Variants in RAD51B observed in about 807,000 individuals in gnomAD.
RAD51B encodes the protein DNA repair protein RAD51 homolog 2.
In RAD51B, 38 loss-of-function variants were observed where a neutral mutation model predicts 42.2. The ratio of observed to expected loss-of-function variants is 0.90; its 90% CI spans 0.70 to 1.18. The LOEUF is 1.18. Among genes scored for constraint, RAD51B ranks in the 50% most tolerant of loss-of-function variants. The pLI is 0.00. For missense variants in RAD51B, 373 were observed against 400.7 expected, an observed-to-expected ratio of 0.93 and a Z score of 0.59; for synonymous variants, 154 against 145.2, an observed-to-expected ratio of 1.06 and a Z score of -0.43.
chr14:68,407,077 TA>T (rs2084295820), intron 8 of RAD51B, among the ~76,000 whole-genome samples: 2 of 151,924 alleles, frequency 1.3e-5, no homozygotes, highest in African/African-American at 4.8e-5. Context: ...GTTAACTTCT[TA>T]AAATAAGTAG....
intron 8 of RAD51B, among the ~76,000 whole-genome samples, chr14:68,332,294 G>A (rs1343500108): frequency 6.6e-6 from 1 of 151,846 alleles, no homozygotes. Flanking sequence ...ACACAAATGA[G>A]ATACACACAC....
chr14:68,522,975 G>T (rs1173643122), intron 10 of RAD51B, among the ~76,000 whole-genome samples: 2 of 152,192 alleles, frequency 1.3e-5, no homozygotes, highest in Non-Finnish European at 2.9e-5. Context: ...ATTTGATGTT[G>T]AACAAAACAG....
intron 7 of RAD51B, among the ~76,000 whole-genome samples, chr14:68,103,682 G>A (rs2077329133): frequency 1.3e-5 from 2 of 152,118 alleles, no homozygotes; most frequent in South Asian, 4.1e-4. Context: ...TTTCATTAGA[G>A]GATAGACTGA....
intron 8 of RAD51B, among the ~76,000 whole-genome samples, chr14:68,372,421 G>T (rs1161443255): frequency 1.3e-5 from 2 of 152,122 alleles, no homozygotes; most frequent in Non-Finnish European, 2.9e-5. Context: ...GCAGCAAAAA[G>T]AGAACATGTA....
At chr14:68,244,362 A>G (rs947521472) in intron 7 of RAD51B, among the ~76,000 whole-genome samples, 16 of 152,224 alleles carry the variant, frequency 1.1e-4, no homozygotes, top group Admixed American at 7.9e-4. Context: ...CAGATAAAGC[A>G]TTGGCAGACA....
chr14:68,628,720 G>A (rs1334863097), intron 10 of RAD51B, among the ~76,000 whole-genome samples: 2 of 152,114 alleles, frequency 1.3e-5, no homozygotes, highest in Non-Finnish European at 2.9e-5. Context: ...GTGAGGAGGT[G>A]TTTCTTGTCT....
intron 10 of RAD51B, among the ~76,000 whole-genome samples, chr14:68,580,753 C>T (rs1332147957): frequency 2.0e-5 from 3 of 152,192 alleles, no homozygotes; most frequent in Non-Finnish European, 4.4e-5. Context: ...CCCATCCAAC[C>T]AGCCCCATTT....
chr14:68,269,454 C>T (rs761744903), intron 7 of RAD51B, among the ~76,000 whole-genome samples: 1 of 152,196 alleles, frequency 6.6e-6, no homozygotes, highest in Non-Finnish European at 1.5e-5. Context: ...GACCTTTCTA[C>T]ACATCTCCCC....
At chr14:68,627,713 C>A (rs1595035731) in intron 10 of RAD51B, among the ~76,000 whole-genome samples, 1 of 152,274 alleles carries the variant, frequency 6.6e-6, no homozygotes, top group Middle Eastern at 3.4e-3. Context: ...TTGCACATGC[C>A]ACCTCCCCCC....
chr14:68,160,321 T>TA (rs1211440106), intron 7 of RAD51B, among the ~76,000 whole-genome samples: 1 of 152,180 alleles, frequency 6.6e-6, no homozygotes, highest in Non-Finnish European at 1.5e-5. Flanking sequence ...TGCTCAGTGT[T>TA]ACATACCTTA....
intron 3 of RAD51B, among the ~76,000 whole-genome samples, chr14:67,826,379 A>C (rs1010668887): frequency 1.3e-5 from 2 of 152,248 alleles, no homozygotes; most frequent in Admixed American, 6.5e-5. Context: ...AAAAGCCCTC[A>C]TCAAATTGTA....
At position 67,883,272 on chromosome 14, in the gene RAD51B, C is replaced by T. The variant is rs75714744; in HGVS notation, c.453-2597C>T. Among the ~76,000 whole-genome samples, 313 of 147,658 alleles carry T rather than the reference C, an allele frequency of 2.1e-3. 2 individuals are homozygous for T. The highest frequency in any genetic ancestry group is 7.0e-3 in the African/African-American group (277 of 39,776). ...AAGAAGTCAGATCATGTTGTTCCTG[C>T]TTCTAGGCTTCCTATTTTGCTAAAT... is the stretch of plus-strand genomic sequence containing the variant. On this transcript the variant is annotated intron_variant, in intron 5 of 10. Coordinates refer to ENST00000471583, the MANE Select transcript of RAD51B (RefSeq NM_133510.4).
intron 7 of RAD51B, among the ~76,000 whole-genome samples, chr14:67,995,779 G>C (rs1368973410): frequency 6.6e-6 from 1 of 151,660 alleles, no homozygotes; most frequent in Non-Finnish European, 1.5e-5. Context: ...CACCACGCCT[G>C]GCTAATTTTT....
chr14:67,924,401 G>T (rs1347524257), intron 7 of RAD51B, among the ~76,000 whole-genome samples: 1 of 152,124 alleles, frequency 6.6e-6, no homozygotes, highest in African/African-American at 2.4e-5. Flanking sequence ...CCTGATTTTT[G>T]TATAAAGTGT....
Position 68,628,009 on chromosome 14 carries a change from G to A in RAD51B, c.1037-22772G>A, listed in dbSNP as rs1892130339. The stretch of plus-strand genomic sequence containing the variant: ...CCAGTATGTCTTCCAAATTCCAAGT[G>A]ACAGTGAACAGAAAAATGAAAGAGC... On this transcript the variant is annotated intron_variant, in intron 10 of 11. Coordinates refer to the RAD51B transcript ENST00000488612. 2.0e-5 allele frequency among the ~76,000 whole-genome samples: 3 copies of A among 152,048 alleles called. No individual in the cohort carries two copies. The South Asian group carries it at 6.2e-4, about 31-fold the overall frequency.
intron 10 of RAD51B, among the ~76,000 whole-genome samples, chr14:68,551,504 C>A (rs568866260): frequency 1.3e-5 from 2 of 152,314 alleles, no homozygotes; most frequent in East Asian, 3.9e-4. Flanking sequence ...AGGATTCCCC[C>A]CTTCCCAAGA....
chr14:67,874,470 A>C (rs980832840), intron 5 of RAD51B, among the ~76,000 whole-genome samples: 1 of 151,488 alleles, frequency 6.6e-6, no homozygotes, highest in Non-Finnish European at 1.5e-5. Context: ...AGTGTATTTT[A>C]TATGTGGCCC....
chr14:68,486,825 C>G (rs551868290), intron 10 of RAD51B, among the ~76,000 whole-genome samples: 21 of 152,324 alleles, frequency 1.4e-4, no homozygotes, highest in Admixed American at 1.1e-3. Context: ...ATTTCAAGCA[C>G]ACAGGGTTTA....
intron 10 of RAD51B, among the ~76,000 whole-genome samples, chr14:68,648,237 G>C (rs551073168): frequency 6.8e-6 from 1 of 146,258 alleles, no homozygotes; most frequent in East Asian, 2.1e-4. Context: ...GTGTGCAGAT[G>C]TTGCACAAAA....
Sources: allele counts gnomAD v4.1 joint callset (sites outside exome capture counted in the v4.1 genomes callset), GRCh38; gene constraint gnomAD v4.1.1; transcripts MANE v1.5; gene names NCBI Gene and HGNC (gene_info 2026-07-23, HGNC 2026-07-21).